Variants in TECTA observed in about 807,000 individuals in gnomAD.
TECTA encodes tectorin alpha, also known as alpha-tectorin.
In TECTA, 128 loss-of-function variants were observed where a neutral mutation model predicts 216.8. The ratio of observed to expected loss-of-function variants is 0.59; its 90% CI spans 0.51 to 0.68. The LOEUF (loss-of-function observed/expected upper bound fraction) is 0.68, where lower values mean the gene tolerates loss of function less well. TECTA is among the 30% of genes least tolerant of loss of function. The pLI, the probability that TECTA is intolerant of heterozygous loss-of-function variation, is 0.00. For synonymous variants in TECTA, 1,089 were observed against 1,117.1 expected (o/e 0.97, Z 0.50); for missense variants, 2,551 against 2,786.2 (o/e 0.92, Z 1.90).
intron 11 of TECTA, among the ~76,000 whole-genome samples, chr11:121,140,060 T>A (rs1946769292): frequency 6.6e-6 from 1 of 152,246 alleles, no homozygotes; most frequent in Non-Finnish European, 1.5e-5. Flanking sequence ...CGGTGCTCTT[T>A]GGCCTTTCTG....
chr11:121,180,019 T>A (rs1374159853), intron 20 of TECTA, among the ~76,000 whole-genome samples: 1 of 151,390 alleles, frequency 6.6e-6, no homozygotes, highest in Non-Finnish European at 1.5e-5. Context: ...ATCTTTTAAG[T>A]GGGGAATTTA....
At chr11:121,129,486 C>A in intron 9 of TECTA, 152 bp from the exon 10 acceptor site, 1 of 739,908 alleles carries the variant, frequency 1.4e-6, no homozygotes, top group Non-Finnish European at 2.3e-6. Flanking sequence ...AAGCCCATGA[C>A]AAATCGGTTG....
intron 7 of TECTA, among the ~76,000 whole-genome samples, chr11:121,119,384 T>C (rs1946535512): frequency 6.6e-6 from 1 of 152,116 alleles, no homozygotes; most frequent in African/African-American, 2.4e-5. Flanking sequence ...CCACCTAGAA[T>C]AACAGAGAAG....
chr11:121,166,705 C>A lies in TECTA; in HGVS notation c.5511C>A (p.Cys1837Ter). ...REGVRINDRQ[C>*]TGIEGEDFIS... ...GCGTGAGGATCAATGACAGACAGTGCACCGGCATCGAGGGGGAAGATTTTA... is the reference window on the plus strand; with the variant it reads ...GCGTGAGGATCAATGACAGACAGTGAACCGGCATCGAGGGGGAAGATTTTA... Residue 1837 changes from cysteine (C) to a stop codon, truncating the protein, a stop_gained, in exon 18 of 24, where the codon TGC becomes TGA. Coordinates refer to ENST00000392793, the MANE Select transcript of TECTA (RefSeq NM_005422.4). LOFTEE classifies it high-confidence loss of function. 1 of 1,614,206 alleles carries A rather than the reference C, an allele frequency of 6.2e-7. No individual in the cohort carries two copies. The highest frequency in any genetic ancestry group is 1.3e-5 in the African/African-American group (1 of 75,054).
chr11:121,161,356 G>A (rs1316189101), intron 15 of TECTA, among the ~76,000 whole-genome samples: 2 of 151,992 alleles, frequency 1.3e-5, no homozygotes, highest in Non-Finnish European at 1.5e-5. Flanking sequence ...TCCTAATTTG[G>A]TGCTTACTCT....
At chr11:121,110,895 T>G (rs569977777) in intron 4 of TECTA, among the ~76,000 whole-genome samples, 2 of 152,342 alleles carry the variant, frequency 1.3e-5, no homozygotes, top group South Asian at 2.1e-4. Flanking sequence ...CTAAGTGCTT[T>G]GAGCTCCTTG....
At chr11:121,165,201 G>A in intron 16 of TECTA, 72 bp from the exon 17 acceptor site, 1 of 1,440,606 alleles carries the variant, frequency 6.9e-7, no homozygotes, top group South Asian at 1.2e-5. Context: ...CAAGTCTGGA[G>A]TGGAACCAAA....
chr11:121,113,833 C>A lies in TECTA; in HGVS notation c.790+115C>A. 8.0e-7 allele frequency: 1 copy of A among 1,245,204 alleles called. No individual in the cohort carries two copies. Among genetic ancestry groups the A allele is most frequent in the Non-Finnish European group, 1.1e-6 (1 of 870,784 alleles). 77.1% of individuals were successfully genotyped at this position (1,245,204 alleles called of 1,614,324 possible). A position where few individuals can be genotyped will look rare whatever the true frequency, so the allele number is the denominator to read the frequency against. Reference sequence around the variant, plus strand: ...CTGATGCCTTACTCTTTTGACATCTCTCCGCTGGGTAATGGAGATCAAGGT... The same window carrying A: ...CTGATGCCTTACTCTTTTGACATCTATCCGCTGGGTAATGGAGATCAAGGT... On this transcript the variant is annotated intron_variant, in intron 6 of 23. Coordinates refer to ENST00000392793, the MANE Select transcript of TECTA (RefSeq NM_005422.4). The surrounding 1 kb of genome is among the most constrained non-coding windows in gnomAD (Gnocchi z 4.2).
chr11:121,147,508 G>A (rs1327127807), intron 12 of TECTA, among the ~76,000 whole-genome samples: 2 of 151,974 alleles, frequency 1.3e-5, no homozygotes, highest in African/African-American at 4.8e-5. Flanking sequence ...AGGGATGACG[G>A]TCCTGACAAA....
At chr11:121,119,010 C>CAAACACACAT (rs1477436277) in intron 7 of TECTA, among the ~76,000 whole-genome samples, 1 of 93,298 alleles carries the variant, frequency 1.1e-5, no homozygotes, top group Non-Finnish European at 2.1e-5. Context: ...CACACACACA[C>CAAACACACAT]ACACACACAC....
chr11:121,116,298 C>A (rs1946501080), intron 6 of TECTA, among the ~76,000 whole-genome samples: 1 of 152,162 alleles, frequency 6.6e-6, no homozygotes, highest in African/African-American at 2.4e-5. Flanking sequence ...ATCTCCCTCC[C>A]CTGTATAGCC....
Position 121,113,588 on chromosome 11 carries a change from C to T in TECTA, c.660C>T (p.Phe220=), listed in dbSNP as rs765853080. 7 of 1,614,030 alleles carry T rather than the reference C, an allele frequency of 4.3e-6. No homozygotes were observed. The South Asian group carries it at 7.7e-5, about 18-fold the overall frequency. Reference sequence around the variant, plus strand: ...ATGGTGGAAACCTCACCAATTTCTTCAGCCTCCCGGGGTCAAGAACCCCCG... The same window carrying T: ...ATGGTGGAAACCTCACCAATTTCTTTAGCCTCCCGGGGTCAAGAACCCCCG... ...GFNGGNLTNF[F]SLPGSRTPEI... is the part of the protein sequence containing the mutation. Residue 220 remains phenylalanine, a synonymous_variant, in exon 6 of 24, where the codon TTC becomes TTT. Transcript: ENST00000392793. The surrounding 1 kb of genome is among the most constrained non-coding windows in gnomAD (Gnocchi z 4.2).
Position 121,189,796 on chromosome 11 carries a change from G to A in TECTA, c.6283G>A (p.Glu2095Lys). The A allele has an allele frequency of 1.2e-6, 2 of 1,614,024 alleles. No homozygotes were observed. The highest frequency in any genetic ancestry group is 2.2e-5 in the South Asian group (2 of 91,082). Residue 2095 changes from glutamate (E) to lysine (K), a missense_variant, in exon 23 of 24, where the codon GAG (glutamate) becomes AAG (lysine). Glu to Lys is a moderately conservative substitution (Grantham distance 56, BLOSUM62 1). This residue lies in a region of TECTA where 118 missense variants were observed against 116.4 expected (regional missense o/e 1.01). Coordinates refer to ENST00000392793, the MANE Select transcript of TECTA (RefSeq NM_005422.4). ...CTGGTGTGAGGACAATGGAGGGTGT[G>A]AGCAGATTTGCACGAGCCGGGTGGA... ...LDWCEDNGGCEQICTSRVDGP... is the reference protein window; with the variant it reads ...LDWCEDNGGCKQICTSRVDGP...
Position 121,113,018 on chromosome 11 carries a change from G to T in TECTA, c.487-54G>T. 6.2e-7 allele frequency: 1 copy of T among 1,611,594 alleles called. No individual in the cohort carries two copies. The highest frequency in any genetic ancestry group is 8.5e-7 in the Non-Finnish European group (1 of 1,178,938). ...AGGGTGAAGGGAGGACCTCCTTGGG[G>T]CCAGGACCTCCTGGGGAGTGCAAGT... is the stretch of plus-strand genomic sequence containing the variant. On this transcript the variant is annotated intron_variant, in intron 4 of 23. Transcript: ENST00000392793. The surrounding 1 kb of genome is among the most constrained non-coding windows in gnomAD (Gnocchi z 4.2).
Position 121,137,519 on chromosome 11 carries a change from T to C in TECTA, c.3040T>C (p.Ser1014Pro). 1 of 1,613,818 alleles carries C rather than the reference T, an allele frequency of 6.2e-7. No individual in the cohort carries two copies. Among genetic ancestry groups the C allele is most frequent in the Non-Finnish European group, 8.5e-7 (1 of 1,179,956 alleles). Residue 1014 changes from serine to proline, a missense_variant, in exon 11 of 24, where the codon TCT becomes CCT. This residue lies in a region of TECTA where 2,375 missense variants were observed against 2,563.9 expected (regional missense o/e 0.93). Transcript: ENST00000392793. ...TLGPICVDSC[S>P]EGCQCDEGYA... is the part of the protein sequence containing the mutation. ...GGGCCCCATCTGCGTGGATAGCTGC[T>C]CTGAGGGATGTCAGTGTGATGAGGG...
In TECTA at chr11:121,165,297, T is replaced by A; in HGVS notation, c.5297T>A (p.Val1766Glu). The A allele has an allele frequency of 6.2e-7, 1 of 1,607,410 alleles. No individual in the cohort carries two copies. The highest frequency in any genetic ancestry group is 2.2e-5 in the East Asian group (1 of 44,784). Residue 1766 changes from valine (V) to glutamate (E), a missense_variant, in exon 17 of 24, where the codon GTG becomes GAG. Transcript: ENST00000392793. ...NCSGVVEDPC[V>E]GADCPNRTCE... Reference sequence around the variant, plus strand: ...GCAGGAGTGGTTGAAGATCCCTGTGTGGGGGCGGACTGTCCCAACCGAACT... The same window carrying A: ...GCAGGAGTGGTTGAAGATCCCTGTGAGGGGGCGGACTGTCCCAACCGAACT...
At position 121,127,726 on chromosome 11, in the gene TECTA, C is replaced by A. The variant is rs753292439; in HGVS notation, c.1775-26C>A. 1.9e-6 allele frequency: 3 copies of A among 1,612,784 alleles called. No homozygotes were observed. Among genetic ancestry groups the A allele is most frequent in the East Asian group, 2.2e-5 (1 of 44,872 alleles). ...ACTCCGGGTCCATTCACCTTGTTAT[C>A]GGCTCTCTTCCTTTCCCCGCGTCAG... On this transcript the variant is annotated intron_variant, in intron 8 of 23. Transcript: ENST00000392793. The surrounding 1 kb of genome is among the most constrained non-coding windows in gnomAD (Gnocchi z 5.0).
At chr11:121,103,098 T>TA (rs1476688881) in intron 2 of TECTA, among the ~76,000 whole-genome samples, 3 of 152,218 alleles carry the variant, frequency 2.0e-5, no homozygotes, top group African/African-American at 7.2e-5. Context: ...GTGGAGACTT[T>TA]AAAGAATCTA....
chr11:121,115,243 A>G (rs1275511048), intron 6 of TECTA, among the ~76,000 whole-genome samples: 1 of 150,406 alleles, frequency 6.6e-6, no homozygotes, highest in East Asian at 2.0e-4. Flanking sequence ...CCATCCATCC[A>G]CCTACTCACC....
Sources: gnomAD v4.1 joint callset for allele counts (sites outside exome capture counted in the v4.1 genomes callset) on GRCh38, gnomAD v4.1.1 for gene constraint, gnomAD v4.1.1 regional missense constraint, Gnocchi (gnomAD v3.1) non-coding constraint, MANE v1.5 for transcripts, NCBI Gene and HGNC (gene_info 2026-07-23, HGNC 2026-07-21) for gene names.